The following CACNA1A variants were observed in gnomAD, a reference collection of about 807,000 sequenced individuals.
CACNA1A encodes calcium voltage-gated channel subunit alpha1 A.
A neutral mutation model predicts 262.4 loss-of-function variants in CACNA1A; 57 were observed. The ratio of observed to expected loss-of-function variants is 0.22; its 90% CI spans 0.18 to 0.27. The LOEUF is 0.27. Among genes scored for constraint, CACNA1A ranks in the 10% least tolerant of loss-of-function variants. The pLI is 1.00. For missense variants in CACNA1A, 2,526 were observed against 3,562.8 expected (o/e 0.71, Z 7.41); for synonymous variants, 1,431 against 1,419.3 (o/e 1.01, Z -0.18).
intron 3 of CACNA1A, among the ~76,000 whole-genome samples, chr19:13,380,394 C>T (rs1220592935): frequency 1.3e-5 from 2 of 151,064 alleles, no homozygotes; most frequent in Non-Finnish European, 2.9e-5. Flanking sequence ...GCCTGTAATC[C>T]CAGCACTTTG....
At chr19:13,443,185 C>G (rs997747015) in intron 3 of CACNA1A, among the ~76,000 whole-genome samples, 2 of 151,980 alleles carry the variant, frequency 1.3e-5, no homozygotes, top group African/African-American at 4.8e-5. Context: ...AAATAAATTG[C>G]TTTTTCTTTA....
intron 30 of CACNA1A, among the ~76,000 whole-genome samples, chr19:13,247,741 T>TAAATAAATAAATAAATAAAA (rs1199585913): frequency 3.4e-4 from 51 of 151,634 alleles, no homozygotes; most frequent in African/African-American, 1.1e-3. Flanking sequence ...AATAAATAAA[T>TAAATAAATAAATAAATAAAA]AAAAAGGAAT....
intron 1 of CACNA1A, among the ~76,000 whole-genome samples, chr19:13,486,616 G>GA (rs1272616614): frequency 6.6e-6 from 1 of 151,932 alleles, no homozygotes; most frequent in Non-Finnish European, 1.5e-5. Flanking sequence ...ACAGAAAAAA[G>GA]AAAAAAATAA....
rs996935893 is a variant in CACNA1A, at chr19:13,353,344, C to T, written c.978+6262G>A. 2.7e-5 allele frequency among the ~76,000 whole-genome samples: 4 copies of T among 148,644 alleles called. No individual in the cohort carries two copies. In the East Asian group the frequency reaches 7.9e-4, roughly 29 times the overall value. On this transcript the variant is annotated intron_variant, in intron 6 of 46. Coordinates refer to ENST00000360228, the MANE Select transcript of CACNA1A (RefSeq NM_001127222.2). ...ATTGGGTTTCACTGTGTTGCCCAGG[C>T]TGGCCTCAAACTCTTGGGCTCAAGT...
chr19:13,309,515 A>G, intron 12 of CACNA1A, among the ~76,000 whole-genome samples: 1 of 148,596 alleles, frequency 6.7e-6, no homozygotes, highest in Non-Finnish European at 1.5e-5. Flanking sequence ...TAACACAGGG[A>G]AACCCTGACT....
chr19:13,311,914 T>TA (rs2145026481), intron 12 of CACNA1A, among the ~76,000 whole-genome samples: 1 of 152,296 alleles, frequency 6.6e-6, no homozygotes, highest in South Asian at 2.1e-4. Flanking sequence ...AGGACTATGG[T>TA]AAATGATTAG....
intron 1 of CACNA1A, among the ~76,000 whole-genome samples, chr19:13,499,446 GT>G (rs1441099981): frequency 0.012 from 1,384 of 116,632 alleles, 33 homozygotes; most frequent in Middle Eastern, 0.027. Flanking sequence ...GTCGCAGGGG[GT>G]GGTGGGGGGG....
chr19:13,351,773 G>T (rs945755884), intron 6 of CACNA1A, among the ~76,000 whole-genome samples: 1 of 152,092 alleles, frequency 6.6e-6, no homozygotes, highest in Non-Finnish European at 1.5e-5. Context: ...CTCCCAAAGT[G>T]CTGGGATTAC....
In CACNA1A at chr19:13,227,509, C is replaced by T; in HGVS notation, c.5547G>A (p.Leu1849=). ...TGTGTCTCAGCATCTGATACATGTC[C>T]AGGTAAGGCATGCGGCCCCTGGCAG... ...DPAAWGRMPY[L]DMYQMLRHMS... is the part of the protein sequence containing the mutation. Residue 1849 remains leucine, a synonymous_variant, in exon 37 of 47, where the codon CTG becomes CTA. Transcript: ENST00000360228. 1 of 1,590,088 alleles carries T rather than the reference C, an allele frequency of 6.3e-7. No individual in the cohort carries two copies. The highest frequency in any genetic ancestry group is 1.4e-5 in the African/African-American group (1 of 73,892).
At chr19:13,357,986 G>A (rs1405840474) in intron 6 of CACNA1A, among the ~76,000 whole-genome samples, 1 of 152,000 alleles carries the variant, frequency 6.6e-6, no homozygotes, top group South Asian at 2.1e-4. Flanking sequence ...CAGCCTGGAC[G>A]ACAGAGGGAG....
At chr19:13,419,706 G>C (rs1456959100) in intron 3 of CACNA1A, among the ~76,000 whole-genome samples, 1 of 152,012 alleles carries the variant, frequency 6.6e-6, no homozygotes, top group Non-Finnish European at 1.5e-5. Context: ...CCAGGACAAT[G>C]TCAGTTAAAC....
intron 10 of CACNA1A, among the ~76,000 whole-genome samples, chr19:13,324,547 A>G (rs938971516): frequency 6.6e-6 from 1 of 152,134 alleles, no homozygotes; most frequent in Non-Finnish European, 1.5e-5. Flanking sequence ...ATCACACTGC[A>G]CTCCATAAAC....
chr19:13,376,150 G>A (rs924017847), intron 3 of CACNA1A, among the ~76,000 whole-genome samples: 1 of 152,218 alleles, frequency 6.6e-6, no homozygotes, highest in Admixed American at 6.5e-5. Context: ...AGTGCTGATG[G>A]AGAAGCTGCA....
At chr19:13,238,862 G>A (rs1165496901) in intron 31 of CACNA1A, among the ~76,000 whole-genome samples, 1 of 152,034 alleles carries the variant, frequency 6.6e-6, no homozygotes, top group African/African-American at 2.4e-5. Flanking sequence ...GCTGGGATTA[G>A]AGGCTTGAGT....
chr19:13,241,565 C>T lies in CACNA1A; in HGVS notation c.4950+3617G>A, dbSNP rs370749141. 65 of 193,788 alleles carry T rather than the reference C, an allele frequency of 3.4e-4. No individual in the cohort carries two copies. Among genetic ancestry groups the T allele is most frequent in the African/African-American group, 2.9e-3 (54 of 18,814 alleles). The allele number at this position is 193,788 out of a possible 1,614,324, so 12.0% of individuals were successfully genotyped here. A position where few individuals can be genotyped will look rare whatever the true frequency, so the allele number is the denominator to read the frequency against. On this transcript the variant is annotated intron_variant, in intron 31 of 46. Coordinates refer to ENST00000360228, the MANE Select transcript of CACNA1A (RefSeq NM_001127222.2). The surrounding 1 kb of genome is among the most constrained non-coding windows in gnomAD (Gnocchi z 4.0). ...TTGAAGATGAGGGGGAGCGGGCGGG[C>T]GGGGGCAGTTGGGGAGGCGTGTTCA...
At chr19:13,346,648 A>T (rs1568557433) in intron 6 of CACNA1A, among the ~76,000 whole-genome samples, 6 of 5,918 alleles carry the variant, frequency 1.0e-3, no homozygotes, top group Non-Finnish European at 1.1e-3. Context: ...ATATATATAT[A>T]TATATATATA....
intron 7 of CACNA1A, 68 bp from the exon 8 acceptor site, chr19:13,334,561 T>TTGTGTGTGTGTGTGTGTG (rs1196739807): frequency 5.8e-5 from 18 of 312,656 alleles, no homozygotes; most frequent in African/African-American, 5.7e-4. Context: ...GTGTGTGTGT[T>TTGTGTGTGTGTGTGTGTG]TGTGTGTGTG....
In CACNA1A at chr19:13,209,340, G is replaced by T; in HGVS notation, c.6498C>A (p.Ser2166=). 2.9e-6 allele frequency: 4 copies of T among 1,394,808 alleles called. No homozygotes were observed. Among genetic ancestry groups the T allele is most frequent in the Non-Finnish European group, 3.7e-6 (4 of 1,070,194 alleles). 86.4% of individuals were successfully genotyped at this position (1,394,808 alleles called of 1,614,324 possible). ...TGTCCACATCGGTGTAGCGGCCCAG[G>T]GAGCGCTCAGAGGCGCGGTGGCTGC... ...RDRSHRASER[S]LGRYTDVDTG... The change falls in exon 45 of 47, where the codon TCC becomes TCA. Residue 2166 remains serine (S), a synonymous_variant. Transcript: ENST00000360228.
chr19:13,243,360 C>T (rs569709183), intron 31 of CACNA1A, among the ~76,000 whole-genome samples: 2 of 152,206 alleles, frequency 1.3e-5, no homozygotes, highest in South Asian at 4.1e-4. Flanking sequence ...CAAAGAATGG[C>T]CCCCTCTTTT....
Sources: gnomAD v4.1 joint callset for allele counts (sites outside exome capture counted in the v4.1 genomes callset) on GRCh38, gnomAD v4.1.1 for gene constraint, Gnocchi (gnomAD v3.1) non-coding constraint, MANE v1.5 for transcripts, NCBI Gene and HGNC (gene_info 2026-07-23, HGNC 2026-07-21) for gene names.